Variants in ACBD6 observed in about 807,000 individuals in gnomAD.
ACBD6 encodes acyl-CoA binding domain containing 6.
Under a neutral mutation model 37.2 loss-of-function variants are expected in ACBD6, and 28 were observed. The ratio of observed to expected loss-of-function variants is 0.75; its 90% confidence interval spans 0.56 to 1.03. The LOEUF (loss-of-function observed/expected upper bound fraction) is 1.03, where lower values mean the gene tolerates loss of function less well. Ranked by LOEUF, ACBD6 falls within the 50% of genes least tolerant of loss-of-function variation. ACBD6 has a pLI of 0.00. For synonymous variants in ACBD6, 113 were observed against 126.8 expected (o/e 0.89, Z 0.73); for missense variants, 340 against 337.4 (o/e 1.01, Z -0.06).
intron 6 of ACBD6, among the ~76,000 whole-genome samples, chr1:180,323,576 T>C (rs1338970337): frequency 6.6e-6 from 1 of 152,098 alleles, no homozygotes; most frequent in African/African-American, 2.4e-5. Context: ...TGTATCTGGG[T>C]GCTTCAGTGT....
intron 13 of ACBD6, chr1:180,272,053 T>A (rs764958749): frequency 3.2e-6 from 5 of 1,553,746 alleles, no homozygotes; most frequent in Non-Finnish European, 4.4e-6. Context: ...GAAAGTCCCC[T>A]GGGAATCTGT....
At chr1:180,317,132 C>G (rs114897518) in intron 6 of ACBD6, among the ~76,000 whole-genome samples, 2 of 152,128 alleles carry the variant, frequency 1.3e-5, no homozygotes, top group African/African-American at 4.8e-5. Flanking sequence ...TAGAAGTGTG[C>G]GCACACAGAA....
At chr1:180,496,596 C>A (rs891619671) in intron 1 of ACBD6, among the ~76,000 whole-genome samples, 9 of 152,162 alleles carry the variant, frequency 5.9e-5, no homozygotes, top group African/African-American at 1.9e-4. Flanking sequence ...AGATGCTGCA[C>A]GACCTTCCAG....
At chr1:180,416,165 C>A (rs973691554) in intron 4 of ACBD6, among the ~76,000 whole-genome samples, 2 of 152,088 alleles carry the variant, frequency 1.3e-5, no homozygotes, top group African/African-American at 4.8e-5. Context: ...AGTATCTTAC[C>A]TTCTACAACC....
intron 6 of ACBD6, among the ~76,000 whole-genome samples, chr1:180,367,345 C>T (rs1283366454): frequency 6.6e-6 from 1 of 152,152 alleles, no homozygotes; most frequent in Non-Finnish European, 1.5e-5. Flanking sequence ...ATTGGTACAG[C>T]AGTCCCCTTC....
downstream of ACBD6, among the ~76,000 whole-genome samples, chr1:180,288,041 A>T (rs1380345246): frequency 6.6e-6 from 1 of 152,196 alleles, no homozygotes; most frequent in Non-Finnish European, 1.5e-5. Context: ...TATGTTTTTT[A>T]AAAAAGCAGC....
At chr1:180,292,755 A>G (rs572384039) in intron 7 of ACBD6, among the ~76,000 whole-genome samples, 10 of 152,270 alleles carry the variant, frequency 6.6e-5, no homozygotes, top group Admixed American at 6.5e-4. Context: ...TAGAACTTTT[A>G]ATACAATGTT....
At chr1:180,387,904 G>A (rs532179799) in intron 6 of ACBD6, among the ~76,000 whole-genome samples, 45 of 152,188 alleles carry the variant, frequency 3.0e-4, no homozygotes, top group African/African-American at 8.9e-4. Context: ...AGCCGGGCAC[G>A]GTGGCTCACA....
intron 3 of ACBD6, among the ~76,000 whole-genome samples, chr1:180,477,225 A>T (rs886872787): frequency 1.3e-5 from 2 of 152,284 alleles, no homozygotes; most frequent in Non-Finnish European, 2.9e-5. Context: ...TTTTCCACTT[A>T]ATATTTTTGG....
intron 6 of ACBD6, among the ~76,000 whole-genome samples, chr1:180,381,110 A>G (rs896391644): frequency 2.0e-5 from 3 of 152,188 alleles, no homozygotes; most frequent in Non-Finnish European, 4.4e-5. Context: ...AAAACCAGTA[A>G]AAAGAGACAA....
chr1:180,306,117 A>G (rs1458806765), intron 7 of ACBD6, among the ~76,000 whole-genome samples: 3 of 106,884 alleles, frequency 2.8e-5, no homozygotes, highest in East Asian at 3.3e-4. Context: ...GGGAGGGGGG[A>G]GGGATAGCAT....
At chr1:180,322,692 A>C (rs1651117473) in intron 6 of ACBD6, among the ~76,000 whole-genome samples, 1 of 149,616 alleles carries the variant, frequency 6.7e-6, no homozygotes, top group African/African-American at 2.4e-5. Flanking sequence ...TTTCAGTGGT[A>C]TTGGCTGTAA....
At chr1:180,304,391 T>C (rs1286158103) in intron 7 of ACBD6, among the ~76,000 whole-genome samples, 2 of 151,000 alleles carry the variant, frequency 1.3e-5, no homozygotes, top group Non-Finnish European at 3.0e-5. Flanking sequence ...CTTAAGCTGA[T>C]AGGCAACTTG....
At chr1:180,313,761 A>G (rs2149290556) in intron 7 of ACBD6, among the ~76,000 whole-genome samples, 1 of 152,220 alleles carries the variant, frequency 6.6e-6, no homozygotes, top group South Asian at 2.1e-4. Context: ...AAACTCCTGG[A>G]TTTGAGTGAT....
intron 5 of ACBD6, among the ~76,000 whole-genome samples, chr1:180,402,656 G>A (rs1421918742): frequency 6.6e-6 from 1 of 152,060 alleles, no homozygotes; most frequent in Non-Finnish European, 1.5e-5. Flanking sequence ...AGCTGGACAT[G>A]GTGGCACACT....
chr1:180,488,225 A>C (rs1651352878), intron 3 of ACBD6, among the ~76,000 whole-genome samples: 1 of 152,166 alleles, frequency 6.6e-6, no homozygotes, highest in Admixed American at 6.5e-5. Context: ...ATTATTCGAA[A>C]CTGTAAAAAC....
chr1:180,373,494 G>C (rs1414900834), intron 6 of ACBD6, among the ~76,000 whole-genome samples: 1 of 152,148 alleles, frequency 6.6e-6, no homozygotes, highest in African/African-American at 2.4e-5. Context: ...ATAAAATGCA[G>C]ACAAATAGAA....
chr1:180,318,160 T>TCCC (rs1392036622), intron 6 of ACBD6, among the ~76,000 whole-genome samples: 6 of 26,138 alleles, frequency 2.3e-4, no homozygotes, highest in Non-Finnish European at 4.0e-4. Flanking sequence ...AGATTCCATC[T>TCCC]CCGCCCCCCC....
chr1:180,293,823 G>T (rs1392942565), intron 7 of ACBD6, among the ~76,000 whole-genome samples: 1 of 152,008 alleles, frequency 6.6e-6, no homozygotes. Flanking sequence ...ATAGTGCAGT[G>T]CAGTGTTGAA....
Sources: allele counts gnomAD v4.1 joint callset (sites outside exome capture counted in the v4.1 genomes callset), GRCh38; gene constraint gnomAD v4.1.1; transcripts MANE v1.5; gene names NCBI Gene and HGNC (gene_info 2026-07-23, HGNC 2026-07-21).